GALNT13: variants seen among roughly 807,000 people sequenced by gnomAD.
GALNT13 encodes the protein UDP-GalNAc:polypeptide N-acetylgalactosaminyltransferase 13.
A neutral mutation model predicts 64.2 loss-of-function variants in GALNT13; 28 were observed. The observed-to-expected ratio is 0.44, with a 90% CI of 0.32 to 0.60. The LOEUF (loss-of-function observed/expected upper bound fraction) is 0.60, where lower values mean the gene tolerates loss of function less well. Ranked by LOEUF, GALNT13 falls within the 20% of genes least tolerant of loss-of-function variation. GALNT13 has a pLI of 0.05. For synonymous variants in GALNT13, 214 were observed against 224.6 expected, an observed-to-expected ratio of 0.95 and a Z score of 0.42; for missense variants, 577 against 669.8, an observed-to-expected ratio of 0.86 and a Z score of 1.53.
At chr2:153,704,475 A>G in the GALNT13 span, among the ~76,000 whole-genome samples, 2 of 152,194 alleles carry the variant, frequency 1.3e-5, no homozygotes, top group African/African-American at 4.8e-5. Flanking sequence ...TAATTTTCTC[A>G]TTGAAAATAT....
At chr2:153,385,266 T>C in the GALNT13 span, among the ~76,000 whole-genome samples, 1 of 151,998 alleles carries the variant, frequency 6.6e-6, no homozygotes, top group Non-Finnish European at 1.5e-5. Context: ...TAACAATAAC[T>C]AAATGTGGAA....
chr2:154,095,867 T>G (rs1702048380), intron 3 of GALNT13, among the ~76,000 whole-genome samples: 1 of 151,940 alleles, frequency 6.6e-6, no homozygotes, highest in Non-Finnish European at 1.5e-5. Context: ...AGTTCAATAT[T>G]GTGATTTTCA....
chr2:154,362,330 C>T (rs1292512204), intron 9 of GALNT13, among the ~76,000 whole-genome samples: 1 of 142,568 alleles, frequency 7.0e-6, no homozygotes, highest in Admixed American at 7.6e-5. Context: ...GCTTTTCTGA[C>T]ATACATGACA....
chr2:153,831,909 A>G, the GALNT13 span, among the ~76,000 whole-genome samples: 1 of 152,190 alleles, frequency 6.6e-6, no homozygotes, highest in Non-Finnish European at 1.5e-5. Context: ...TTTCTAGTTA[A>G]TTATGAGGTA....
At chr2:153,284,869 T>G in the GALNT13 span, among the ~76,000 whole-genome samples, 3 of 151,994 alleles carry the variant, frequency 2.0e-5, no homozygotes, top group Non-Finnish European at 4.4e-5. Context: ...ATCTGCCATC[T>G]TGGGCAAAAA....
At chr2:153,784,234 C>T in the GALNT13 span, among the ~76,000 whole-genome samples, 1 of 152,120 alleles carries the variant, frequency 6.6e-6, no homozygotes, top group Non-Finnish European at 1.5e-5. Flanking sequence ...ACAGTGAAGT[C>T]CAGGCTGAGG....
the GALNT13 span, among the ~76,000 whole-genome samples, chr2:153,602,708 T>C: frequency 6.6e-6 from 1 of 151,802 alleles, no homozygotes; most frequent in African/African-American, 2.4e-5. Flanking sequence ...GAGATCATAG[T>C]AGGGAATGAT....
the GALNT13 span, among the ~76,000 whole-genome samples, chr2:153,777,870 G>A: frequency 6.6e-6 from 1 of 152,156 alleles, no homozygotes; most frequent in African/African-American, 2.4e-5. Flanking sequence ...TTTCTACCTT[G>A]TTACAAGGAC....
chr2:153,169,109 G>A, the GALNT13 span, among the ~76,000 whole-genome samples: 1 of 152,180 alleles, frequency 6.6e-6, no homozygotes, highest in Non-Finnish European at 1.5e-5. Context: ...AAGGAATCAG[G>A]CAGCTATCAA....
At chr2:153,373,847 AATCAT>A in the GALNT13 span, among the ~76,000 whole-genome samples, 2 of 152,214 alleles carry the variant, frequency 1.3e-5, no homozygotes, top group Non-Finnish European at 2.9e-5. Context: ...AGATAAATGA[AATCAT>A]ATAGCATTTG....
chr2:153,441,840 A>G, the GALNT13 span, among the ~76,000 whole-genome samples: 1 of 152,142 alleles, frequency 6.6e-6, no homozygotes, highest in Non-Finnish European at 1.5e-5. Flanking sequence ...GCTTAAGTAG[A>G]TTTGGAGCTG....
intron 3 of GALNT13, among the ~76,000 whole-genome samples, chr2:153,959,780 C>T (rs1031697105): frequency 2.0e-5 from 3 of 152,202 alleles, no homozygotes; most frequent in Non-Finnish European, 4.4e-5. Context: ...CCACCCATTA[C>T]TAGTCAGAGA....
At chr2:153,423,846 T>C in the GALNT13 span, among the ~76,000 whole-genome samples, 1 of 151,470 alleles carries the variant, frequency 6.6e-6, no homozygotes. Flanking sequence ...TTCCTCCTAT[T>C]TATCTATACT....
the GALNT13 span, among the ~76,000 whole-genome samples, chr2:153,504,162 G>A: frequency 6.6e-6 from 1 of 152,274 alleles, no homozygotes; most frequent in African/African-American, 2.4e-5. Flanking sequence ...AGGGGGTTGA[G>A]TTCTTGATTT....
chr2:154,094,471 G>A (rs10188603), intron 3 of GALNT13, among the ~76,000 whole-genome samples: 30,883 of 151,860 alleles, frequency 0.2, 4,043 homozygotes, highest in Middle Eastern at 0.33. Flanking sequence ...TTTGCCAGAA[G>A]TAATTCCTGC....
the GALNT13 span, among the ~76,000 whole-genome samples, chr2:153,300,192 T>A: frequency 6.6e-6 from 1 of 152,202 alleles, no homozygotes; most frequent in Non-Finnish European, 1.5e-5. Context: ...TGCTTTAGTT[T>A]GCGCTCCCCT....
the GALNT13 span, among the ~76,000 whole-genome samples, chr2:153,816,852 C>T: frequency 4.6e-5 from 7 of 152,164 alleles, no homozygotes; most frequent in Non-Finnish European, 7.4e-5. Flanking sequence ...AGGCCAGCAC[C>T]AATATATAAG....
At chr2:153,362,553 CAAAAAAAAA>C in the GALNT13 span, among the ~76,000 whole-genome samples, 6 of 80,318 alleles carry the variant, frequency 7.5e-5, no homozygotes, top group Non-Finnish European at 1.4e-4. Context: ...AAATGGAGAG[CAAAAAAAAA>C]AAAAAAAAAA....
intron 4 of GALNT13, among the ~76,000 whole-genome samples, chr2:154,151,795 C>T (rs994829609): frequency 6.6e-6 from 1 of 152,142 alleles, no homozygotes; most frequent in African/African-American, 2.4e-5. Flanking sequence ...AGATCTTCCT[C>T]CATCCTTTTA....
Sources: allele counts gnomAD v4.1 joint callset (sites outside exome capture counted in the v4.1 genomes callset), GRCh38; gene constraint gnomAD v4.1.1; transcripts MANE v1.5; gene names NCBI Gene and HGNC (gene_info 2026-07-23, HGNC 2026-07-21).